Variants in AK9 observed in about 807,000 individuals in gnomAD.
AK9 encodes adenylate kinase domain containing 1.
Under a neutral mutation model 239.6 loss-of-function variants are expected in AK9, and 191 were observed. That is an observed-to-expected ratio of 0.80 (90% CI 0.71 to 0.90). The LOEUF (loss-of-function observed/expected upper bound fraction) is 0.90, where lower values mean the gene tolerates loss of function less well. Ranked by LOEUF, AK9 falls within the 40% of genes least tolerant of loss-of-function variation. The pLI, the probability that AK9 is intolerant of heterozygous loss-of-function variation, is 0.00. For synonymous variants in AK9, 689 were observed against 721.0 expected (o/e 0.96, Z 0.71); for missense variants, 1,995 against 2,214.7 (o/e 0.90, Z 1.99).
At chr6:109,690,125 A>AT (rs1016385689) in intron 1 of AK9, among the ~76,000 whole-genome samples, 24 of 151,752 alleles carry the variant, frequency 1.6e-4, no homozygotes, top group Non-Finnish European at 1.6e-4. Context: ...TAATTCTATA[A>AT]TTTTTTTTTA....
intron 33 of AK9, among the ~76,000 whole-genome samples, chr6:109,507,234 T>C (rs1778203593): frequency 6.6e-6 from 1 of 152,216 alleles, no homozygotes; most frequent in African/African-American, 2.4e-5. Context: ...GTTTAACTCT[T>C]AGAGTTGTTT....
Position 109,674,222 on chromosome 6 carries a change from C to G in AK9, c.157G>C (p.Ala53Pro). Residue 53 changes from alanine to proline, a missense_variant, in exon 3 of 41, where the codon GCA (alanine) becomes CCA (proline). By Grantham distance (27) the Ala-to-Pro change is conservative. Transcript: ENST00000424296. ...CCTTCAACACGAATACATTTCCATG[C>G]CTGTGTTATGTAACGGGCTAATGTT... is the stretch of plus-strand genomic sequence containing the variant. ...KTTLARYITQ[A>P]WKCIRVEALP... 1 of 1,586,402 alleles carries G rather than the reference C, an allele frequency of 6.3e-7. No homozygotes were observed. The highest frequency in any genetic ancestry group is 8.6e-7 in the Non-Finnish European group (1 of 1,168,670).
rs1200448943 is a variant in AK9 at position 109,614,334 on chromosome 6, A to AT, written c.1496-39dup. Reference sequence around the variant, plus strand: ...AATAATATACTTTATCAGCTAATCTATTTATATTAGGGATGATTTGGTCAA... The same window carrying AT: ...AATAATATACTTTATCAGCTAATCTATTTTATATTAGGGATGATTTGGTCAA... On this transcript the variant is annotated intron_variant, in intron 14 of 40. Transcript: ENST00000424296. 24 of 1,549,208 alleles carry AT rather than the reference A, an allele frequency of 1.5e-5. No homozygotes were observed. The African/African-American group carries it at 2.7e-4, about 18-fold the overall frequency.
intron 35 of AK9, among the ~76,000 whole-genome samples, chr6:109,505,689 A>G (rs1466240109): frequency 6.6e-6 from 1 of 152,194 alleles, no homozygotes; most frequent in Non-Finnish European, 1.5e-5. Flanking sequence ...CAAACACTAT[A>G]TACCCTTTTA....
At chr6:109,616,568 T>C (rs548408522) in intron 13 of AK9, among the ~76,000 whole-genome samples, 44 of 151,676 alleles carry the variant, frequency 2.9e-4, no homozygotes, top group Non-Finnish European at 5.2e-4. Flanking sequence ...GTAGAAATAA[T>C]GTCTCCCTTT....
intron 35 of AK9, among the ~76,000 whole-genome samples, chr6:109,504,984 C>G (rs1055537024): frequency 2.6e-5 from 4 of 152,210 alleles, no homozygotes; most frequent in African/African-American, 9.7e-5. Context: ...TGAGGCACAG[C>G]TTTCGCTTTC....
intron 10 of AK9, among the ~76,000 whole-genome samples, chr6:109,635,793 C>A (rs1437186676): frequency 6.6e-6 from 1 of 152,182 alleles, no homozygotes; most frequent in African/African-American, 2.4e-5. Context: ...AGGGCCAGAA[C>A]AAAATGAAAA....
intron 12 of AK9, among the ~76,000 whole-genome samples, chr6:109,630,060 C>T (rs1451420855): frequency 1.3e-5 from 2 of 151,910 alleles, no homozygotes; most frequent in Admixed American, 6.6e-5. Context: ...ATGAAAGTAC[C>T]AATTTATATT....
chr6:109,682,137 A>G (rs967716582), intron 1 of AK9, among the ~76,000 whole-genome samples: 1 of 152,144 alleles, frequency 6.6e-6, no homozygotes, highest in African/African-American at 2.4e-5. Flanking sequence ...CAAAAAATCA[A>G]TGAATTGGCT....
chr6:109,566,381 G>C (rs1786517875), intron 21 of AK9, among the ~76,000 whole-genome samples: 1 of 152,092 alleles, frequency 6.6e-6, no homozygotes, highest in African/African-American at 2.4e-5. Context: ...CGAAGCAAAA[G>C]AGAGTATTGA....
At chr6:109,614,327 C>A in intron 14 of AK9, 31 bp from the exon 15 acceptor site, 1 of 1,549,178 alleles carries the variant, frequency 6.5e-7, no homozygotes, top group Non-Finnish European at 8.7e-7. Context: ...ACTTTATCAG[C>A]TAATCTATTT....
chr6:109,585,984 C>T lies in AK9; in HGVS notation c.1931G>A (p.Trp644Ter). The change falls in exon 18 of 41, where the codon TGG becomes TAG. Residue 644 changes from tryptophan to a stop codon, truncating the protein, a stop_gained. Coordinates refer to ENST00000424296, the MANE Select transcript of AK9 (RefSeq NM_001145128.3). LOFTEE classifies it high-confidence loss of function. The part of the protein sequence containing the change: ...VDNCPIVKEL[W>*]MALIKKGIIP... Reference sequence around the variant, plus strand: ...AATTCCTTTCTTGATTAAGGCCATCCACAATTCTTTTACAATAGGGCAGTT... The same window carrying T: ...AATTCCTTTCTTGATTAAGGCCATCTACAATTCTTTTACAATAGGGCAGTT... The T allele has an allele frequency of 6.4e-7, 1 of 1,551,258 alleles. No individual in the cohort carries two copies. Among genetic ancestry groups the T allele is most frequent in the Non-Finnish European group, 8.7e-7 (1 of 1,146,806 alleles).
In AK9 at chr6:109,506,668, T is replaced by G; in HGVS notation, c.4614A>C (p.Lys1538Asn). ...KEIFKRLLLE[K>N]ENEQRLPYPL... ...ATGTACATTACCTTTGTTCATTTTCTTTTTCTAGGAGCAATCTTTTGAAAA... is the reference window on the plus strand; with the variant it reads ...ATGTACATTACCTTTGTTCATTTTCGTTTTCTAGGAGCAATCTTTTGAAAA... The change falls in exon 34 of 41, where the codon AAA (lysine) becomes AAC (asparagine). Residue 1538 changes from lysine to asparagine, a missense_variant. Transcript: ENST00000424296. 6.5e-7 allele frequency: 1 copy of G among 1,530,210 alleles called. No homozygotes were observed. The highest frequency in any genetic ancestry group is 1.2e-5 in the South Asian group (1 of 81,362). 94.8% of individuals were successfully genotyped at this position (1,530,210 alleles called of 1,614,324 possible).
At chr6:109,528,156 CCTT>C (rs1439229495) in intron 29 of AK9, 1 of 262,208 alleles carries the variant, frequency 3.8e-6, no homozygotes, top group Non-Finnish European at 7.5e-6. Context: ...AGCCTGGACT[CCTT>C]CACTGCTGAA....
At chr6:109,587,342 A>G (rs186512637) in intron 17 of AK9, among the ~76,000 whole-genome samples, 29 of 152,286 alleles carry the variant, frequency 1.9e-4, no homozygotes, top group African/African-American at 7.0e-4. Flanking sequence ...ATAACTTATA[A>G]TTTCTCCACC....
chr6:109,691,180 G>A lies in AK9; in HGVS notation c.-45C>T. 1 of 579,484 alleles carries A rather than the reference G, an allele frequency of 1.7e-6. No homozygotes were observed. Among genetic ancestry groups the A allele is most frequent in the Non-Finnish European group, 3.1e-6 (1 of 323,518 alleles). 35.9% of individuals were successfully genotyped at this position (579,484 alleles called of 1,614,324 possible). ...GTGCCCTTCGCTTCCTCTCTCGGCAGCACGCAGGTCCCGGGAGCCTCTACC... is the reference window on the plus strand; with the variant it reads ...GTGCCCTTCGCTTCCTCTCTCGGCAACACGCAGGTCCCGGGAGCCTCTACC... On this transcript the variant is annotated 5_prime_UTR_variant, in exon 1 of 41. Coordinates refer to ENST00000424296, the MANE Select transcript of AK9 (RefSeq NM_001145128.3).
intron 1 of AK9, among the ~76,000 whole-genome samples, chr6:109,676,888 T>C (rs182677923): frequency 6.6e-6 from 1 of 152,196 alleles, no homozygotes; most frequent in East Asian, 1.9e-4. Flanking sequence ...ATGTGGTACA[T>C]ATATATCAGA....
At chr6:109,565,485 A>T (rs1292521121) in intron 21 of AK9, among the ~76,000 whole-genome samples, 7 of 151,278 alleles carry the variant, frequency 4.6e-5, no homozygotes, top group East Asian at 1.9e-4. Context: ...TTAAAAAAAA[A>T]TTTTTTTTCA....
At chr6:109,635,628 T>A (rs944755661) in intron 10 of AK9, among the ~76,000 whole-genome samples, 3 of 152,134 alleles carry the variant, frequency 2.0e-5, no homozygotes, top group African/African-American at 7.2e-5. Flanking sequence ...ACCACTACCC[T>A]CAAGCTCTAC....
Sources: gnomAD v4.1 joint callset for allele counts (sites outside exome capture counted in the v4.1 genomes callset) on GRCh38, gnomAD v4.1.1 for gene constraint, MANE v1.5 for transcripts, NCBI Gene and HGNC (gene_info 2026-07-23, HGNC 2026-07-21) for gene names.